The following HHAT variants were observed in gnomAD, a reference collection of about 807,000 sequenced individuals.
HHAT encodes the protein protein-cysteine N-palmitoyltransferase HHAT.
A neutral mutation model predicts 70.8 loss-of-function variants in HHAT; 47 were observed. That is an observed-to-expected ratio of 0.66 (90% CI 0.53 to 0.85). The LOEUF is 0.85. HHAT is among the 40% of genes least tolerant of loss of function. The pLI is 0.00. For missense variants in HHAT, 609 were observed against 604.8 expected (o/e 1.01, Z -0.07); for synonymous variants, 228 against 247.6 (o/e 0.92, Z 0.74).
At chr1:210,433,258 G>GAGT (rs2093296419) in intron 7 of HHAT, among the ~76,000 whole-genome samples, 1 of 151,714 alleles carries the variant, frequency 6.6e-6, no homozygotes, top group South Asian at 2.1e-4. Flanking sequence ...GGTGCTTAAT[G>GAGT]AGTACTTCAC....
chr1:210,665,286 T>C (rs182321237), intron 11 of HHAT, among the ~76,000 whole-genome samples: 1 of 152,366 alleles, frequency 6.6e-6, no homozygotes, highest in East Asian at 1.9e-4. Flanking sequence ...TTTGCAGACG[T>C]AGGCTTTGAC....
chr1:210,665,601 C>G lies in HHAT; in HGVS notation c.1391-8687C>G, dbSNP rs144186920. Among the ~76,000 whole-genome samples, 522 of 152,240 alleles carry G rather than the reference C, an allele frequency of 3.4e-3. 1 individual carries two copies. Among genetic ancestry groups the G allele is most frequent in the African/African-American group, 0.012 (496 of 41,526 alleles). On this transcript the variant is annotated intron_variant, in intron 11 of 11. Transcript: ENST00000261458. ...CTGGAGCCTCTAGCTAGAAAACTTG[C>G]CTTGGTGGAAGGAGGGAGGAAGTTA... is the stretch of plus-strand genomic sequence containing the variant.
At position 210,437,779 on chromosome 1, in the gene HHAT, G is replaced by A. The variant is rs116494919; in HGVS notation, c.856+19454G>A. Among the ~76,000 whole-genome samples the A allele has an allele frequency of 2.2e-3, 327 of 151,820 alleles. 1 individual carries two copies. The highest frequency in any genetic ancestry group is 3.8e-3 in the Non-Finnish European group (261 of 68,020). ...ATATGCCTCTTTCCTGATTTTAAAC[G>A]TCTCCTTATTAACATTTATCCAATT... On this transcript the variant is annotated intron_variant, in intron 7 of 11. Coordinates refer to ENST00000261458, the MANE Select transcript of HHAT (RefSeq NM_018194.6).
intron 8 of HHAT, among the ~76,000 whole-genome samples, chr1:210,511,821 A>C (rs2094959047): frequency 8.4e-6 from 1 of 119,412 alleles, no homozygotes; most frequent in Non-Finnish European, 1.6e-5. Context: ...ATGGAGTCTC[A>C]CTCTGTCGCC....
At chr1:210,441,320 T>C (rs936429346) in intron 7 of HHAT, among the ~76,000 whole-genome samples, 4 of 152,184 alleles carry the variant, frequency 2.6e-5, no homozygotes, top group African/African-American at 7.2e-5. Flanking sequence ...GGGAGTTACA[T>C]AGGAAATCTG....
chr1:210,637,871 AGG>A (rs1553312397), intron 11 of HHAT, among the ~76,000 whole-genome samples: 2 of 117,494 alleles, frequency 1.7e-5, no homozygotes, highest in Non-Finnish European at 3.6e-5. Flanking sequence ...AAAAAAAAAA[AGG>A]GGGGGGCAAA....
chr1:210,627,911 A>T (rs192206267), intron 11 of HHAT, among the ~76,000 whole-genome samples: 11 of 152,300 alleles, frequency 7.2e-5, no homozygotes, highest in African/African-American at 2.4e-4. Flanking sequence ...CTGCTGTGTC[A>T]TGCTTTGCAG....
chr1:210,440,627 T>G (rs3765848), intron 7 of HHAT, among the ~76,000 whole-genome samples: 17,117 of 151,774 alleles, frequency 0.11, 1,259 homozygotes, highest in East Asian at 0.23. Flanking sequence ...TAATAGTGTT[T>G]TGTGGAATTG....
At chr1:210,387,381 C>T (rs536113130) in intron 3 of HHAT, 87 bp from the exon 4 acceptor site, 5 of 1,125,882 alleles carry the variant, frequency 4.4e-6, no homozygotes, top group Middle Eastern at 2.0e-4. Context: ...TCACACTGGC[C>T]TTCTTTCCAG....
intron 3 of HHAT, among the ~76,000 whole-genome samples, chr1:210,371,268 C>G (rs2089548531): frequency 1.3e-5 from 2 of 152,204 alleles, no homozygotes; most frequent in Admixed American, 1.3e-4. Context: ...TCTCGTGCCT[C>G]AGCCTCCCAA....
intron 10 of HHAT, among the ~76,000 whole-genome samples, chr1:210,620,128 G>C (rs1451846383): frequency 6.6e-6 from 1 of 152,250 alleles, no homozygotes; most frequent in Non-Finnish European, 1.5e-5. Flanking sequence ...ACTATGGAAA[G>C]GAGAGTGTAA....
chr1:210,370,815 C>A (rs1042615531), intron 3 of HHAT, among the ~76,000 whole-genome samples: 2 of 151,772 alleles, frequency 1.3e-5, no homozygotes, highest in Non-Finnish European at 2.9e-5. Context: ...GGGGTTTCAC[C>A]GCATTAGTTA....
At chr1:210,501,055 A>G (rs1273171584) in intron 8 of HHAT, among the ~76,000 whole-genome samples, 1 of 152,094 alleles carries the variant, frequency 6.6e-6, no homozygotes, top group Non-Finnish European at 1.5e-5. Flanking sequence ...CTCTCACAGC[A>G]CCTCATGCTT....
chr1:210,343,628 C>T (rs2086232365), intron 1 of HHAT, among the ~76,000 whole-genome samples: 1 of 152,062 alleles, frequency 6.6e-6, no homozygotes, highest in Non-Finnish European at 1.5e-5. Flanking sequence ...TTGGGAGTAG[C>T]AGAGACGTAG....
intron 8 of HHAT, among the ~76,000 whole-genome samples, chr1:210,511,411 T>C: frequency 6.6e-6 from 1 of 152,212 alleles, no homozygotes; most frequent in East Asian, 1.9e-4. Flanking sequence ...TGTAAAGAGA[T>C]ACTTAAGCAC....
At chr1:210,520,850 G>A (rs1369643606) in intron 9 of HHAT, among the ~76,000 whole-genome samples, 5 of 151,754 alleles carry the variant, frequency 3.3e-5, no homozygotes, top group East Asian at 3.9e-4. Flanking sequence ...TTTCTTTATC[G>A]TCACTTTTCG....
At chr1:210,570,324 C>T (rs531939109) in intron 9 of HHAT, among the ~76,000 whole-genome samples, 1 of 152,300 alleles carries the variant, frequency 6.6e-6, no homozygotes, top group East Asian at 1.9e-4. Context: ...TGGGAGATGT[C>T]TTACTCCCAA....
intron 7 of HHAT, among the ~76,000 whole-genome samples, chr1:210,436,280 A>G (rs148748402): frequency 6.6e-6 from 1 of 150,448 alleles, no homozygotes; most frequent in Non-Finnish European, 1.5e-5. Context: ...GTATGCATGG[A>G]TTTATATCTG....
At chr1:210,394,071 G>A (rs1250502652) in intron 4 of HHAT, among the ~76,000 whole-genome samples, 1 of 152,052 alleles carries the variant, frequency 6.6e-6, no homozygotes, top group Non-Finnish European at 1.5e-5. Flanking sequence ...CACTATGCAG[G>A]GACAGGCTTT....
Sources: allele counts gnomAD v4.1 joint callset (sites outside exome capture counted in the v4.1 genomes callset), GRCh38; gene constraint gnomAD v4.1.1; transcripts MANE v1.5; gene names NCBI Gene and HGNC (gene_info 2026-07-23, HGNC 2026-07-21).